The following RBFOX1 variants were observed in gnomAD, a reference collection of about 807,000 sequenced individuals.
RBFOX1 encodes RNA binding fox-1 homolog 1.
RBFOX1 carries 8 observed loss-of-function variants against 57.7 expected under a neutral mutation model. That is an observed-to-expected ratio of 0.14 (90% confidence interval 0.08 to 0.25). The LOEUF (loss-of-function observed/expected upper bound fraction) is 0.25, where lower values mean the gene tolerates loss of function less well. Ranked by LOEUF, RBFOX1 falls within the 10% of genes least tolerant of loss-of-function variation. The pLI is 1.00. For missense variants in RBFOX1, 611 were observed against 548.5 expected (o/e 1.11, Z -1.14); for synonymous variants, 326 against 222.4 (o/e 1.47, Z -4.15).
chr16:5,477,105 C>G (rs908718970), intron 2 of RBFOX1, among the ~76,000 whole-genome samples: 1 of 152,208 alleles, frequency 6.6e-6, no homozygotes, highest in Non-Finnish European at 1.5e-5. Flanking sequence ...CCTCGACCTC[C>G]TGGGCTCAGG....
intron 3 of RBFOX1, among the ~76,000 whole-genome samples, chr16:6,828,718 G>A (rs1458975979): frequency 6.6e-6 from 1 of 151,954 alleles, no homozygotes; most frequent in South Asian, 2.1e-4. Flanking sequence ...GGATGTTAAT[G>A]AGTGACTTAC....
chr16:7,335,584 GAAAAA>G (rs959362612), intron 4 of RBFOX1, among the ~76,000 whole-genome samples: 13 of 74,652 alleles, frequency 1.7e-4, no homozygotes, highest in South Asian at 4.9e-4. Flanking sequence ...CTCAGATAAA[GAAAAA>G]AAAAAAAAAA....
intron 2 of RBFOX1, among the ~76,000 whole-genome samples, chr16:6,496,092 A>C (rs976634187): frequency 3.9e-5 from 6 of 152,314 alleles, no homozygotes; most frequent in Middle Eastern, 3.4e-3. Context: ...AACAAGAAAG[A>C]TATGTGCTAC....
At chr16:6,390,327 T>G (rs2092534181) in intron 2 of RBFOX1, among the ~76,000 whole-genome samples, 1 of 152,170 alleles carries the variant, frequency 6.6e-6, no homozygotes, top group African/African-American at 2.4e-5. Flanking sequence ...CCCCAAATCC[T>G]GAACTTGAGT....
intron 1 of RBFOX1, among the ~76,000 whole-genome samples, chr16:6,167,028 C>CTCCCA (rs1234859847): frequency 6.6e-6 from 1 of 152,186 alleles, no homozygotes; most frequent in Admixed American, 6.5e-5. Flanking sequence ...CTGCCTCAGC[C>CTCCCA]TCCCAAAGTA....
chr16:7,017,738 G>A (rs2093986343), intron 3 of RBFOX1, among the ~76,000 whole-genome samples: 1 of 152,086 alleles, frequency 6.6e-6, no homozygotes. Context: ...ACAACCCTGT[G>A]ACAGGCCAAC....
chr16:6,690,140 G>A (rs1353636299), intron 3 of RBFOX1, among the ~76,000 whole-genome samples: 1 of 152,104 alleles, frequency 6.6e-6, no homozygotes, highest in Non-Finnish European at 1.5e-5. Context: ...TTAGATTTCA[G>A]CCTCTAGCTT....
intron 2 of RBFOX1, among the ~76,000 whole-genome samples, chr16:6,321,291 T>C (rs1443216479): frequency 1.3e-5 from 2 of 152,132 alleles, no homozygotes; most frequent in Admixed American, 6.5e-5. Flanking sequence ...TGATACTGTA[T>C]TGTTGTATGG....
At chr16:7,241,708 A>T (rs1222961091) in intron 4 of RBFOX1, among the ~76,000 whole-genome samples, 1 of 152,136 alleles carries the variant, frequency 6.6e-6, no homozygotes, top group East Asian at 1.9e-4. Context: ...ATGTGATACA[A>T]ATGGACAAAT....
At chr16:6,003,981 G>T (rs1223345917) in intron 4 of RBFOX1, among the ~76,000 whole-genome samples, 2 of 152,186 alleles carry the variant, frequency 1.3e-5, no homozygotes, top group Non-Finnish European at 2.9e-5. Flanking sequence ...CAAACTTTGG[G>T]TTTATTGAGA....
intron 2 of RBFOX1, among the ~76,000 whole-genome samples, chr16:5,545,378 C>G (rs1487039879): frequency 1.3e-5 from 2 of 151,962 alleles, no homozygotes; most frequent in Non-Finnish European, 2.9e-5. Context: ...AGGTATTGCC[C>G]TAATAGCAAA....
chr16:7,189,930 G>A (rs2084959147), intron 4 of RBFOX1, among the ~76,000 whole-genome samples: 1 of 152,222 alleles, frequency 6.6e-6, no homozygotes, highest in African/African-American at 2.4e-5. Context: ...AAATAGAAGA[G>A]CTTGGGCAAG....
chr16:7,601,297 A>C (rs1043174259), intron 9 of RBFOX1, among the ~76,000 whole-genome samples: 6 of 152,222 alleles, frequency 3.9e-5, no homozygotes, highest in African/African-American at 1.4e-4. Flanking sequence ...ACTACATCAC[A>C]GTTCTTTGTG....
At chr16:7,322,568 A>G (rs2096559667) in intron 4 of RBFOX1, among the ~76,000 whole-genome samples, 1 of 152,226 alleles carries the variant, frequency 6.6e-6, no homozygotes, top group Non-Finnish European at 1.5e-5. Context: ...GGTGAATTTC[A>G]CAAGAGCCAT....
chr16:5,980,563 G>GA (rs1322089683), intron 4 of RBFOX1, among the ~76,000 whole-genome samples: 5 of 152,186 alleles, frequency 3.3e-5, no homozygotes, highest in Admixed American at 2.6e-4. Context: ...GTTAAGTAGA[G>GA]AAAATTGGAC....
At chr16:5,615,904 A>C (rs1471589487) in intron 3 of RBFOX1, among the ~76,000 whole-genome samples, 1 of 152,172 alleles carries the variant, frequency 6.6e-6, no homozygotes, top group Non-Finnish European at 1.5e-5. Context: ...TCAGTGCTTA[A>C]AACGGGTCAC....
At chr16:6,216,584 G>T (rs537531471) in intron 1 of RBFOX1, among the ~76,000 whole-genome samples, 2 of 152,160 alleles carry the variant, frequency 1.3e-5, no homozygotes, top group African/African-American at 4.8e-5. Flanking sequence ...GTGAGCAAAA[G>T]CAAAGTATCC....
intron 1 of RBFOX1, among the ~76,000 whole-genome samples, chr16:6,313,008 C>T (rs2080561915): frequency 6.6e-6 from 1 of 152,084 alleles, no homozygotes; most frequent in Non-Finnish European, 1.5e-5. Flanking sequence ...GTGATGGGCT[C>T]TTAAAGCCAT....
intron 3 of RBFOX1, among the ~76,000 whole-genome samples, chr16:5,677,947 A>G (rs1217307666): frequency 6.6e-6 from 1 of 152,190 alleles, no homozygotes; most frequent in Non-Finnish European, 1.5e-5. Context: ...CCATGAGCCG[A>G]AATGTGTTCT....
Sources: gnomAD v4.1 joint callset for allele counts (sites outside exome capture counted in the v4.1 genomes callset) on GRCh38, gnomAD v4.1.1 for gene constraint, MANE v1.5 for transcripts, NCBI Gene and HGNC (gene_info 2026-07-23, HGNC 2026-07-21) for gene names.